NR3C1: variants seen among roughly 807,000 people sequenced by gnomAD.
The protein encoded by NR3C1 is glucocorticoid receptor.
A neutral mutation model predicts 74.0 loss-of-function variants in NR3C1; 14 were observed. The ratio of observed to expected loss-of-function variants is 0.19; its 90% CI spans 0.12 to 0.30. NR3C1 has a LOEUF of 0.30. Among genes scored for constraint, NR3C1 ranks in the 10% least tolerant of loss-of-function variants. The pLI is 1.00. For synonymous variants in NR3C1, 308 were observed against 332.5 expected, an observed-to-expected ratio of 0.93 and a Z score of 0.80; for missense variants, 695 against 909.8, an observed-to-expected ratio of 0.76 and a Z score of 3.04.
intron 2 of NR3C1, among the ~76,000 whole-genome samples, chr5:143,339,202 G>A (rs567558753): frequency 6.6e-6 from 1 of 152,012 alleles, no homozygotes; most frequent in African/African-American, 2.4e-5. Flanking sequence ...CTGCATATTT[G>A]TTTTGTTCAT....
At chr5:143,295,248 CCTCT>C (rs750965375) in intron 7 of NR3C1, 23 of 985,010 alleles carry the variant, frequency 2.3e-5, no homozygotes, top group Non-Finnish European at 2.8e-5. Context: ...AGCTCATATA[CCTCT>C]CTGTTTCTGC....
intron 2 of NR3C1, among the ~76,000 whole-genome samples, chr5:143,331,926 A>G (rs1826024341): frequency 6.6e-6 from 1 of 152,170 alleles, no homozygotes; most frequent in South Asian, 2.1e-4. Context: ...CTCTGAACCT[A>G]AAATAAAAGT....
chr5:143,343,418 G>A (rs1828627147), intron 2 of NR3C1, among the ~76,000 whole-genome samples: 1 of 152,194 alleles, frequency 6.6e-6, no homozygotes, highest in South Asian at 2.1e-4. Flanking sequence ...ATACATGATG[G>A]CTAACAACCA....
At chr5:143,396,054 A>G (rs1318577357) in intron 2 of NR3C1, among the ~76,000 whole-genome samples, 1 of 151,932 alleles carries the variant, frequency 6.6e-6, no homozygotes, top group African/African-American at 2.4e-5. Flanking sequence ...TAACACAAAT[A>G]GACAAGACCA....
chr5:143,294,668 C>T (rs1332858189), intron 7 of NR3C1, among the ~76,000 whole-genome samples: 1 of 152,140 alleles, frequency 6.6e-6, no homozygotes, highest in Admixed American at 6.5e-5. Context: ...ACCCTGGCAA[C>T]CGCTGATTTT....
In NR3C1 at chr5:143,310,093, T is replaced by C. The variant is rs1293558297; in HGVS notation, c.1468+4A>G. 2 of 1,604,612 alleles carry C rather than the reference T, an allele frequency of 1.2e-6. No homozygotes were observed. Among genetic ancestry groups the C allele is most frequent in the Admixed American group, 3.3e-5 (2 of 60,016 alleles). Reference sequence around the variant, plus strand: ...AAACAATTGCTTTCAGATATTTATATTACCTTCCAGGTTCATTCCAGCCTG... The same window carrying C: ...AAACAATTGCTTTCAGATATTTATACTACCTTCCAGGTTCATTCCAGCCTG... On this transcript the variant is annotated splice_donor_region_variant and intron_variant, in intron 4 of 8. Transcript: ENST00000394464.
At chr5:143,367,755 A>G (rs11740792) in intron 2 of NR3C1, among the ~76,000 whole-genome samples, 19,734 of 152,266 alleles carry the variant, frequency 0.13, 1,481 homozygotes, top group Middle Eastern at 0.3. Context: ...ATCTACAGAA[A>G]TGGAAAGAAG....
chr5:143,355,580 C>G (rs889518063), intron 2 of NR3C1, among the ~76,000 whole-genome samples: 3 of 152,112 alleles, frequency 2.0e-5, no homozygotes, highest in African/African-American at 4.8e-5. Context: ...TAGTGATGGT[C>G]AGTAAATTAA....
At chr5:143,410,328 T>C (rs1485447671) in intron 1 of NR3C1, among the ~76,000 whole-genome samples, 1 of 152,188 alleles carries the variant, frequency 6.6e-6, no homozygotes, top group Non-Finnish European at 1.5e-5. Context: ...ACACAGGGTT[T>C]TGTTTTGTTT....
At chr5:143,302,492 A>G (rs1367519840) in intron 4 of NR3C1, among the ~76,000 whole-genome samples, 1 of 152,120 alleles carries the variant, frequency 6.6e-6, no homozygotes, top group Non-Finnish European at 1.5e-5. Context: ...CAATACACTG[A>G]AACAGTACTT....
intron 2 of NR3C1, among the ~76,000 whole-genome samples, chr5:143,396,443 G>T (rs1839197093): frequency 6.6e-6 from 1 of 151,632 alleles, no homozygotes; most frequent in South Asian, 2.1e-4. Context: ...AAAGAAAAAA[G>T]GTAGGAAGTA....
rs755438231 is a variant in NR3C1, at chr5:143,400,387, G to T, written c.453C>A (p.Pro151=). ...GAGTTTTTGGAAACTCCTTCTCTGT[G>T]GGGGCAGCAGACACAGCAGTGGATG... ...SSASTAVSAA[P]TEKEFPKTHS... Residue 151 remains proline (P), a synonymous_variant, in exon 2 of 9, where the codon CCC becomes CCA. Transcript: ENST00000394464. 1 of 1,614,170 alleles carries T rather than the reference G, an allele frequency of 6.2e-7. No homozygotes were observed. Among genetic ancestry groups the T allele is most frequent in the Admixed American group, 1.7e-5 (1 of 60,026 alleles).
At chr5:143,289,223 A>G (rs1028049682) in intron 7 of NR3C1, among the ~76,000 whole-genome samples, 1 of 152,226 alleles carries the variant, frequency 6.6e-6, no homozygotes, top group Non-Finnish European at 1.5e-5. Flanking sequence ...GGTGTTATCA[A>G]TATGAATATA....
chr5:143,282,431 G>T (rs1336759070), intron 8 of NR3C1, 137 bp downstream of exon 8: 1 of 859,790 alleles, frequency 1.2e-6, no homozygotes, highest in Non-Finnish European at 1.7e-6. Flanking sequence ...AAGTTCATAA[G>T]TTGAACTCAA....
intron 7 of NR3C1, among the ~76,000 whole-genome samples, chr5:143,286,513 T>G (rs1814523125): frequency 6.6e-6 from 1 of 152,112 alleles, no homozygotes; most frequent in South Asian, 2.1e-4. Flanking sequence ...GAAAAATATA[T>G]GATCTTGAGG....
intron 2 of NR3C1, among the ~76,000 whole-genome samples, chr5:143,368,269 C>T (rs1833618333): frequency 6.6e-6 from 1 of 152,036 alleles, no homozygotes; most frequent in South Asian, 2.1e-4. Context: ...AATGTAAGAG[C>T]TAAAACTATA....
Position 143,403,498 on chromosome 5 carries a change from C to A in NR3C1, c.-301G>T, listed in dbSNP as rs1840754820. On this transcript the variant is annotated 5_prime_UTR_variant, in exon 1 of 9. Transcript: ENST00000394464. Reference sequence around the variant, plus strand: ...CCGGTCCCAGCTGCTTCGGCCGCTCCGGCTGCGGCGTCTCCTTCCACCCAC... The same window carrying A: ...CCGGTCCCAGCTGCTTCGGCCGCTCAGGCTGCGGCGTCTCCTTCCACCCAC... 1 of 985,278 alleles carries A rather than the reference C, an allele frequency of 1.0e-6. No individual in the cohort carries two copies. Among genetic ancestry groups the A allele is most frequent in the East Asian group, 1.1e-4 (1 of 8,774 alleles). 61.0% of individuals were successfully genotyped at this position (985,278 alleles called of 1,614,324 possible).
intron 2 of NR3C1, among the ~76,000 whole-genome samples, chr5:143,381,545 G>A (rs1836241785): frequency 6.6e-6 from 1 of 152,004 alleles, no homozygotes; most frequent in African/African-American, 2.4e-5. Context: ...TTCAAATTAT[G>A]CTACAAAACT....
In NR3C1 at chr5:143,424,945, C is replaced by A. The variant is rs192183965; in HGVS notation, c.-14+9587G>T. 4.6e-5 allele frequency among the ~76,000 whole-genome samples: 7 copies of A among 151,780 alleles called. No homozygotes were observed. In the East Asian group the frequency reaches 1.3e-3, roughly 29 times the overall value. On this transcript the variant is annotated intron_variant, in intron 1 of 8. Coordinates refer to the NR3C1 transcript ENST00000343796. ...ACTTAACTCAAAATAGCAAAACAATCTATAAAAAAAGGCAAAGTTCGAGGA... is the reference window on the plus strand; with the variant it reads ...ACTTAACTCAAAATAGCAAAACAATATATAAAAAAAGGCAAAGTTCGAGGA...
Sources: gnomAD v4.1 joint callset for allele counts (sites outside exome capture counted in the v4.1 genomes callset) on GRCh38, gnomAD v4.1.1 for gene constraint, MANE v1.5 for transcripts, NCBI Gene and HGNC (gene_info 2026-07-23, HGNC 2026-07-21) for gene names.